The following SCAMP3 variants were observed in gnomAD, a reference collection of about 807,000 sequenced individuals.
SCAMP3 encodes secretory carrier-associated membrane protein 3.
Under a neutral mutation model 44.1 loss-of-function variants are expected in SCAMP3, and 30 were observed. That is an observed-to-expected ratio of 0.68 (90% CI 0.51 to 0.92). The LOEUF (loss-of-function observed/expected upper bound fraction) is 0.92, where lower values mean the gene tolerates loss of function less well. Ranked by LOEUF, SCAMP3 falls within the 40% of genes least tolerant of loss-of-function variation. SCAMP3 has a pLI of 0.00. For missense variants in SCAMP3, 394 were observed against 440.0 expected, an observed-to-expected ratio of 0.90 and a Z score of 0.93; for synonymous variants, 168 against 171.1, an observed-to-expected ratio of 0.98 and a Z score of 0.14.
chr1:155,260,829 C>T (rs1261332682), intron 2 of SCAMP3, among the ~76,000 whole-genome samples, 170 bp from the exon 3 acceptor site: 1 of 152,112 alleles, frequency 6.6e-6, no homozygotes, highest in Non-Finnish European at 1.5e-5. Context: ...TCTATGATGA[C>T]CTGTAGCAGC....
chr1:155,261,958 A>G (rs1430912240), intron 1 of SCAMP3, 128 bp downstream of exon 1: 1 of 964,680 alleles, frequency 1.0e-6, no homozygotes, highest in African/African-American at 1.6e-5. Flanking sequence ...GTCTGGAGTC[A>G]CTGTCACCCC....
At chr1:155,261,934 C>G (rs1672976898) in intron 1 of SCAMP3, 152 bp downstream of exon 1, 1 of 837,814 alleles carries the variant, frequency 1.2e-6, no homozygotes, top group African/African-American at 1.7e-5. Context: ...GCCCGCCCCC[C>G]AGAGTGCTCA....
chr1:155,260,638 G>A lies in SCAMP3; in HGVS notation c.166C>T (p.Pro56Ser), dbSNP rs746740369. The A allele has an allele frequency of 1.2e-6, 2 of 1,612,984 alleles. No individual in the cohort carries two copies. The highest frequency in any genetic ancestry group is 1.7e-6 in the Non-Finnish European group (2 of 1,179,406). The change falls in exon 3 of 9, where the codon CCA becomes TCA. Residue 56 changes from proline (P) to serine (S), a missense_variant. Pro to Ser is a moderately conservative substitution (Grantham distance 74, BLOSUM62 -1). Transcript: ENST00000302631. ...GGTGGAGGCAATGGGGCAGGGGCTGGAGGCTCATAGGCTGGTGGTGGCTGT... is the reference window on the plus strand; with the variant it reads ...GGTGGAGGCAATGGGGCAGGGGCTGAAGGCTCATAGGCTGGTGGTGGCTGT... ...TREPPPAYEPPAPAPLPPPSA... is the reference protein window; with the variant it reads ...TREPPPAYEPSAPAPLPPPSA...
chr1:155,256,710 A>G lies in SCAMP3; in HGVS notation c.861T>C (p.Thr287=). ...TGACAATTCCTAGCACAGCAATGCC[A>G]GTGAAGAGCAGGGCGACCAGCAGCA... ...VLMLLVALLF[T]GIAVLGIVML... The change falls in exon 8 of 9, where the codon ACT becomes ACC. Residue 287 remains threonine, a synonymous_variant. Coordinates refer to ENST00000302631, the MANE Select transcript of SCAMP3 (RefSeq NM_005698.4). The G allele has an allele frequency of 1.2e-6, 2 of 1,614,150 alleles. No individual in the cohort carries two copies. The highest frequency in any genetic ancestry group is 1.7e-6 in the Non-Finnish European group (2 of 1,179,988).
At position 155,260,672 on chromosome 1, in the gene SCAMP3, AG is replaced by A. The variant is rs755871233; in HGVS notation, c.145-14del. On this transcript the variant is annotated splice_polypyrimidine_tract_variant and intron_variant, in intron 2 of 8. Coordinates refer to ENST00000302631, the MANE Select transcript of SCAMP3 (RefSeq NM_005698.4). ...AGGCTGGTGGTGGCTGTTGAGGAAAAGACCTTAGTGATCATCTAGTCCCTCA... is the reference window on the plus strand; with the variant it reads ...AGGCTGGTGGTGGCTGTTGAGGAAAAACCTTAGTGATCATCTAGTCCCTCA... 5.6e-6 allele frequency: 9 copies of A among 1,598,534 alleles called. No individual in the cohort carries two copies. In the South Asian group the frequency reaches 7.9e-5, roughly 14 times the overall value.
At chr1:155,261,609 T>C (rs763758595) in intron 2 of SCAMP3, 48 bp downstream of exon 2, 1 of 1,554,498 alleles carries the variant, frequency 6.4e-7, no homozygotes, top group Non-Finnish European at 8.9e-7. Flanking sequence ...CTTGTCTCAC[T>C]GGCAAACCCT....
chr1:155,259,044 CTCTT>C (rs1442119199), intron 4 of SCAMP3, 90 bp from the exon 5 acceptor site: 233 of 759,580 alleles, frequency 3.1e-4, no homozygotes, highest in Non-Finnish European at 3.4e-4. Flanking sequence ...CCTGGATCCT[CTCTT>C]TTTTTTTTTT....
chr1:155,256,835 T>G lies in SCAMP3; in HGVS notation c.780-44A>C, dbSNP rs772403422. 5 of 1,478,560 alleles carry G rather than the reference T, an allele frequency of 3.4e-6. No individual in the cohort carries two copies. The South Asian group carries it at 3.4e-5, about 10-fold the overall frequency. 91.6% of individuals were successfully genotyped at this position (1,478,560 alleles called of 1,614,324 possible). A position where few individuals can be genotyped will look rare whatever the true frequency, so the allele number is the denominator to read the frequency against. On this transcript the variant is annotated intron_variant, in intron 7 of 8. Transcript: ENST00000302631. ...ACCAGTGAAGAGGGGCTCCTCAGCT[T>G]CTCCACTGGTTATGTCACCAGCATC...
At position 155,261,686 on chromosome 1, in the gene SCAMP3, C is replaced by T. The variant is rs1672968866; in HGVS notation, c.115G>A (p.Asp39Asn). 6.2e-7 allele frequency: 1 copy of T among 1,614,006 alleles called. No homozygotes were observed. The highest frequency in any genetic ancestry group is 1.1e-5 in the South Asian group (1 of 91,084). Residue 39 changes from aspartate (D) to asparagine (N), a missense_variant, in exon 2 of 9, where the codon GAC (aspartate) becomes AAC (asparagine). Asp to Asn is a conservative substitution (Grantham distance 23). Transcript: ENST00000302631. The part of the protein sequence containing the change: ...HRPSRQYATL[D>N]VYNPFETREP... ...CGGGTCTCAAAAGGGTTGTAGACGT[C>T]AAGCGTGGCATACTGCCGGCTGGGT...
chr1:155,257,208 TGAACAAC>T, intron 7 of SCAMP3, 70 bp downstream of exon 7: 1 of 960,116 alleles, frequency 1.0e-6, no homozygotes. Context: ...TTCCTTTTTC[TGAACAAC>T]TCCTATCCCA....
intron 7 of SCAMP3, 116 bp from the exon 8 acceptor site, chr1:155,256,907 C>A: frequency 1.3e-6 from 1 of 743,538 alleles, no homozygotes; most frequent in Non-Finnish European, 2.3e-6. Flanking sequence ...GTCAATCGAG[C>A]AGCATTCCAA....
At position 155,256,191 on chromosome 1, in the gene SCAMP3, T is replaced by C; in HGVS notation, c.*82A>G. 1 of 1,351,598 alleles carries C rather than the reference T, an allele frequency of 7.4e-7. No homozygotes were observed. The highest frequency in any genetic ancestry group is 1.0e-6 in the Non-Finnish European group (1 of 990,900). The allele number at this position is 1,351,598 out of a possible 1,614,324, so 83.7% of individuals were successfully genotyped here. On this transcript the variant is annotated 3_prime_UTR_variant, in exon 9 of 9. Coordinates refer to ENST00000302631, the MANE Select transcript of SCAMP3 (RefSeq NM_005698.4). ...ACGGAGGAGCCATCAGTTAGTGATGTCTCTCCAAGTCCCAGAGACCTTAGG... is the reference window on the plus strand; with the variant it reads ...ACGGAGGAGCCATCAGTTAGTGATGCCTCTCCAAGTCCCAGAGACCTTAGG...
chr1:155,256,427 T>C lies in SCAMP3; in HGVS notation c.898-8A>G. ...GCGGTATAAGGAGTGGATCTGCAAG[T>C]AGAGGACAAAGACATTACCGCCCAT... is the stretch of plus-strand genomic sequence containing the variant. On this transcript the variant is annotated splice_region_variant and splice_polypyrimidine_tract_variant and intron_variant, in intron 8 of 8. Transcript: ENST00000302631. The C allele has an allele frequency of 1.3e-6, 2 of 1,572,084 alleles. No individual in the cohort carries two copies. The highest frequency in any genetic ancestry group is 1.7e-6 in the Non-Finnish European group (2 of 1,154,966).
At chr1:155,259,955 GT>G (rs1397736683) in intron 4 of SCAMP3, among the ~76,000 whole-genome samples, 129 of 139,974 alleles carry the variant, frequency 9.2e-4, no homozygotes, top group Admixed American at 1.1e-3. Context: ...CCAGGTTTGT[GT>G]TTTTTTTTTT....
intron 4 of SCAMP3, among the ~76,000 whole-genome samples, chr1:155,259,612 G>A (rs1307264391): frequency 6.6e-6 from 1 of 152,120 alleles, no homozygotes; most frequent in Non-Finnish European, 1.5e-5. Flanking sequence ...CAACCTGCCT[G>A]CCTCGGCCTC....
intron 1 of SCAMP3, 139 bp from the exon 2 acceptor site, chr1:155,261,873 A>G (rs1386339135): frequency 1.2e-6 from 1 of 862,284 alleles, no homozygotes; most frequent in Non-Finnish European, 1.9e-6. Context: ...GACAACATTT[A>G]CCTCAAATCC....
intron 5 of SCAMP3, among the ~76,000 whole-genome samples, chr1:155,258,318 C>CTTTTTTTTTT (rs71996352): frequency 2.0e-4 from 17 of 86,582 alleles, no homozygotes; most frequent in South Asian, 8.1e-4. Flanking sequence ...CGTGCCCGGC[C>CTTTTTTTTTT]TTTTTTTTTT....
At chr1:155,261,448 G>A (rs1672959116) in intron 2 of SCAMP3, 1 of 604,452 alleles carries the variant, frequency 1.7e-6, no homozygotes, top group East Asian at 2.8e-5. Context: ...TCCCAGGACT[G>A]ACTTTTAGAG....
chr1:155,259,046 C>CAT, intron 4 of SCAMP3, 92 bp from the exon 5 acceptor site: 1 of 487,016 alleles, frequency 2.1e-6, no homozygotes, highest in Non-Finnish European at 3.1e-6. Context: ...TGGATCCTCT[C>CAT]TTTTTTTTTT....
Sources: gnomAD v4.1 joint callset for allele counts (sites outside exome capture counted in the v4.1 genomes callset) on GRCh38, gnomAD v4.1.1 for gene constraint, MANE v1.5 for transcripts, NCBI Gene and HGNC (gene_info 2026-07-23, HGNC 2026-07-21) for gene names.